Variants in CGAS observed in about 807,000 individuals in gnomAD.
The protein encoded by CGAS is cyclic GMP-AMP synthase, also known as 2'3'-cGAMP synthase.
In CGAS, 31 loss-of-function variants were observed where a neutral mutation model predicts 34.0. The ratio of observed to expected loss-of-function variants is 0.91; its 90% CI spans 0.69 to 1.23. CGAS has a LOEUF of 1.23. CGAS is among the 50% of genes most tolerant of loss of function. The probability of loss-of-function intolerance (pLI) is 0.00; values close to 1 mark genes in which losing one functional copy is unlikely to be tolerated. For missense variants in CGAS, 597 were observed against 657.6 expected (o/e 0.91, Z 1.01); for synonymous variants, 266 against 260.0 (o/e 1.02, Z -0.22).
chr6:73,437,185 A>G (rs1770295203), intron 3 of CGAS, among the ~76,000 whole-genome samples: 1 of 152,090 alleles, frequency 6.6e-6, no homozygotes, highest in Non-Finnish European at 1.5e-5. Context: ...AAAAAATAAA[A>G]CATGGAAGGG....
At chr6:73,433,986 A>G (rs1339377217) in intron 3 of CGAS, among the ~76,000 whole-genome samples, 1 of 152,250 alleles carries the variant, frequency 6.6e-6, no homozygotes, top group African/African-American at 2.4e-5. Flanking sequence ...TTCAAAATTT[A>G]TATGAGAATG....
At chr6:73,432,812 G>A (rs1056394779) in intron 3 of CGAS, among the ~76,000 whole-genome samples, 1 of 152,078 alleles carries the variant, frequency 6.6e-6, no homozygotes, top group Non-Finnish European at 1.5e-5. Flanking sequence ...GGCCAGGCGC[G>A]GTGGCTCACG....
At position 73,425,395 on chromosome 6, in the gene CGAS, G is replaced by A. The variant is rs374926242; in HGVS notation, c.1401C>T (p.Cys467=). The A allele has an allele frequency of 3.1e-5, 50 of 1,613,688 alleles. No homozygotes were observed. The highest frequency in any genetic ancestry group is 8.9e-5 in the East Asian group (4 of 44,896). ...RKDLGLCFDN[C]VTYFLQCLRT... ...TGAGGCACTGAAGAAAGTATGTCACGCAGTTATCAAAGCAGAGGCCCAGGT... is the reference window on the plus strand; with the variant it reads ...TGAGGCACTGAAGAAAGTATGTCACACAGTTATCAAAGCAGAGGCCCAGGT... Residue 467 remains cysteine (C), a synonymous_variant, in exon 5 of 5, where the codon TGC becomes TGT. Transcript: ENST00000370315.
chr6:73,440,385 C>T lies in CGAS; in HGVS notation c.938G>A (p.Ser313Asn). ...GGSPAVTLLISEKISVDITLA... is the reference protein window; with the variant it reads ...GGSPAVTLLINEKISVDITLA... ...GGTTATATCCACAGATATTTTTTCA[C>T]TAATAAGAAGTGTTACAGCAGGGCT... The change falls in exon 3 of 5, where the codon AGT (serine) becomes AAT (asparagine). Residue 313 changes from serine (S) to asparagine (N), a missense_variant. Transcript: ENST00000370315. 2 of 1,614,152 alleles carry T rather than the reference C, an allele frequency of 1.2e-6. No individual in the cohort carries two copies.
intron 2 of CGAS, among the ~76,000 whole-genome samples, chr6:73,444,028 C>T (rs1254243325): frequency 3.9e-5 from 6 of 152,184 alleles, no homozygotes; most frequent in African/African-American, 1.4e-4. Context: ...CTTGCTCTGT[C>T]GCCCAGGCTG....
chr6:73,442,681 C>G (rs1368108060), intron 2 of CGAS, among the ~76,000 whole-genome samples: 1 of 150,786 alleles, frequency 6.6e-6, no homozygotes, highest in Non-Finnish European at 1.5e-5. Flanking sequence ...TCACTGCAAC[C>G]TCTGTCTCCC....
In CGAS at chr6:73,440,391, A is replaced by G. The variant is rs748096559; in HGVS notation, c.932T>C (p.Leu311Pro). ...ATCCACAGATATTTTTTCACTAATA[A>G]GAAGTGTTACAGCAGGGCTCCCTCC... ...KRGGSPAVTL[L>P]ISEKISVDIT... The change falls in exon 3 of 5, where the codon CTT becomes CCT. Residue 311 changes from leucine (L) to proline (P), a missense_variant. Leu to Pro is a moderately conservative substitution (Grantham distance 98). Coordinates refer to ENST00000370315, the MANE Select transcript of CGAS (RefSeq NM_138441.3). The G allele has an allele frequency of 1.8e-5, 29 of 1,614,068 alleles. No individual in the cohort carries two copies. The highest frequency in any genetic ancestry group is 2.5e-5 in the Non-Finnish European group (29 of 1,180,046).
chr6:73,444,894 G>A (rs985944532), intron 2 of CGAS, among the ~76,000 whole-genome samples: 2 of 152,104 alleles, frequency 1.3e-5, no homozygotes, highest in Admixed American at 6.6e-5. Flanking sequence ...AATTAAGATG[G>A]TTCCCAGGTT....
chr6:73,431,731 CCTGATCCAAACAGA>C (rs1202377964), intron 3 of CGAS, among the ~76,000 whole-genome samples: 1 of 152,166 alleles, frequency 6.6e-6, no homozygotes, highest in African/African-American at 2.4e-5. Context: ...TTATTTGAAT[CCTGATCCAAACAGA>C]CTGATCCAAA....
chr6:73,436,040 C>T (rs571037249), intron 3 of CGAS, among the ~76,000 whole-genome samples: 1 of 152,102 alleles, frequency 6.6e-6, no homozygotes, highest in African/African-American at 2.4e-5. Flanking sequence ...ATTACAGTGT[C>T]GTGCACCTGT....
At chr6:73,448,229 T>C (rs1770501184) in intron 1 of CGAS, among the ~76,000 whole-genome samples, 1 of 151,954 alleles carries the variant, frequency 6.6e-6, no homozygotes, top group African/African-American at 2.4e-5. Flanking sequence ...CCATCTCTAC[T>C]AAAAACACAA....
intron 3 of CGAS, among the ~76,000 whole-genome samples, chr6:73,432,074 C>G (rs949604944): frequency 6.6e-6 from 1 of 152,164 alleles, no homozygotes; most frequent in Non-Finnish European, 1.5e-5. Context: ...CAGCAATCCT[C>G]CCACCTCCCA....
intron 2 of CGAS, among the ~76,000 whole-genome samples, chr6:73,442,597 C>CT (rs66905880): frequency 0.022 from 2,935 of 131,472 alleles, 101 homozygotes; most frequent in African/African-American, 0.064. Context: ...TTTTTTCTTT[C>CT]TTTTTTTTTT....
chr6:73,429,578 G>A (rs1451998406), intron 3 of CGAS, among the ~76,000 whole-genome samples: 2 of 152,154 alleles, frequency 1.3e-5, no homozygotes, highest in Non-Finnish European at 2.9e-5. Context: ...TGTAATCCCA[G>A]CACCTTGGGA....
intron 3 of CGAS, among the ~76,000 whole-genome samples, chr6:73,436,764 C>T (rs2150812513): frequency 6.6e-6 from 1 of 151,322 alleles, no homozygotes; most frequent in Middle Eastern, 3.4e-3. Flanking sequence ...CTCAAATGAT[C>T]CACCCACTTC....
At chr6:73,451,405 C>T in intron 1 of CGAS, 120 bp downstream of exon 1, 1 of 1,165,066 alleles carries the variant, frequency 8.6e-7, no homozygotes, top group Non-Finnish European at 1.2e-6. Context: ...TACCGAAAAA[C>T]ATGCAAAAGT....
intron 4 of CGAS, among the ~76,000 whole-genome samples, chr6:73,428,114 C>T (rs1240344941): frequency 2.0e-5 from 3 of 151,278 alleles, no homozygotes. Flanking sequence ...ATCTCAGCTA[C>T]TTGGGGGGCT....
chr6:73,444,137 C>T (rs1275013600), intron 2 of CGAS, among the ~76,000 whole-genome samples: 1 of 148,168 alleles, frequency 6.7e-6, no homozygotes, highest in Non-Finnish European at 1.5e-5. Context: ...TTACAGGCAT[C>T]CACCACCACG....
At chr6:73,431,405 A>G (rs1463378293) in intron 3 of CGAS, among the ~76,000 whole-genome samples, 1 of 152,102 alleles carries the variant, frequency 6.6e-6, no homozygotes, top group Admixed American at 6.6e-5. Context: ...TGGGAGGCGC[A>G]GGTTGCAGTG....
Sources: allele counts gnomAD v4.1 joint callset (sites outside exome capture counted in the v4.1 genomes callset), GRCh38; gene constraint gnomAD v4.1.1; transcripts MANE v1.5; gene names NCBI Gene and HGNC (gene_info 2026-07-23, HGNC 2026-07-21).